The following MACROD2 variants were observed in gnomAD, a reference collection of about 807,000 sequenced individuals.
The protein encoded by MACROD2 is ADP-ribose glycohydrolase MACROD2.
MACROD2 carries 36 observed loss-of-function variants against 70.4 expected under a neutral mutation model. That is an observed-to-expected ratio of 0.51 (90% CI 0.39 to 0.68). MACROD2 has a LOEUF of 0.68. Ranked by LOEUF, MACROD2 falls within the 30% of genes least tolerant of loss-of-function variation. MACROD2 has a pLI of 0.00. For missense variants in MACROD2, 496 were observed against 538.4 expected, an observed-to-expected ratio of 0.92 and a Z score of 0.78; for synonymous variants, 172 against 178.8, an observed-to-expected ratio of 0.96 and a Z score of 0.30.
chr20:15,437,743 C>T (rs998089024), intron 7 of MACROD2, among the ~76,000 whole-genome samples: 1 of 152,134 alleles, frequency 6.6e-6, no homozygotes, highest in African/African-American at 2.4e-5. Flanking sequence ...TAAGTGAGAA[C>T]ATACACTATT....
Position 15,278,858 on chromosome 20 carries a change from C to T in MACROD2, c.540+48797C>T, listed in dbSNP as rs1274727986. Among the ~76,000 whole-genome samples, 3 of 152,208 alleles carry T rather than the reference C, an allele frequency of 2.0e-5. No individual in the cohort carries two copies. The East Asian group carries it at 5.8e-4, about 29-fold the overall frequency. On this transcript the variant is annotated intron_variant, in intron 6 of 17. Coordinates refer to ENST00000684519, the MANE Select transcript of MACROD2 (RefSeq NM_001351661.2). Reference sequence around the variant, plus strand: ...TGAAGTAGTGATTTTGATTCCAAAACACTTAGTGTGACAGTCCTTACCTCT... The same window carrying T: ...TGAAGTAGTGATTTTGATTCCAAAATACTTAGTGTGACAGTCCTTACCTCT...
chr20:14,775,160 G>C (rs1357511905), intron 5 of MACROD2, among the ~76,000 whole-genome samples: 1 of 152,066 alleles, frequency 6.6e-6, no homozygotes, highest in Non-Finnish European at 1.5e-5. Context: ...GGCAGAGATT[G>C]AATTAAGTGC....
intron 7 of MACROD2, among the ~76,000 whole-genome samples, chr20:15,453,842 C>A (rs2046677975): frequency 1.3e-5 from 2 of 152,168 alleles, no homozygotes; most frequent in African/African-American, 2.4e-5. Context: ...TTTCTAGGGT[C>A]TATGCCAGTG....
intron 5 of MACROD2, among the ~76,000 whole-genome samples, chr20:14,780,562 C>CAAAA (rs763622429): frequency 8.0e-6 from 1 of 124,296 alleles, no homozygotes. Context: ...AACTCCGTCT[C>CAAAA]AAAAAAAAAA....
rs76918320 is a variant in MACROD2, at chr20:14,488,814, A to T, written c.272-4665A>T. On this transcript the variant is annotated intron_variant, in intron 3 of 17. Transcript: ENST00000684519. ...TTGTTTGTTTATTTGTTTAGCTTTT[A>T]GAGTTTTTTTTGCCCATGCTACGAT... is the stretch of plus-strand genomic sequence containing the variant. 6.4e-3 allele frequency among the ~76,000 whole-genome samples: 974 copies of T among 152,274 alleles called. 3 individuals carry two copies. Among genetic ancestry groups the T allele is most frequent in the African/African-American group, 0.022 (905 of 41,540 alleles).
At chr20:14,644,482 T>A (rs1568716868) in intron 4 of MACROD2, among the ~76,000 whole-genome samples, 1 of 152,194 alleles carries the variant, frequency 6.6e-6, no homozygotes, top group Non-Finnish European at 1.5e-5. Flanking sequence ...CAATGACACT[T>A]CTTATTTGCA....
At chr20:14,892,269 C>T (rs1416991133) in intron 5 of MACROD2, among the ~76,000 whole-genome samples, 2 of 151,970 alleles carry the variant, frequency 1.3e-5, no homozygotes, top group East Asian at 1.9e-4. Context: ...GTCAGGAGTT[C>T]GAGACCAGTC....
intron 5 of MACROD2, among the ~76,000 whole-genome samples, chr20:14,791,990 CCTAT>C (rs2072456364): frequency 6.6e-6 from 1 of 151,558 alleles, no homozygotes; most frequent in Non-Finnish European, 1.5e-5. Context: ...AATAAAGAAT[CCTAT>C]CTTTCTCAAC....
intron 2 of MACROD2, among the ~76,000 whole-genome samples, chr20:14,078,412 G>A (rs887954824): frequency 6.6e-6 from 1 of 151,274 alleles, no homozygotes; most frequent in African/African-American, 2.4e-5. Context: ...TTCTTTTTTT[G>A]TTTGTTTGTT....
intron 9 of MACROD2, among the ~76,000 whole-genome samples, chr20:15,873,575 A>G (rs867492352): frequency 2.0e-5 from 3 of 152,006 alleles, no homozygotes; most frequent in African/African-American, 7.2e-5. Flanking sequence ...TAATCTTTCA[A>G]ATATATGTTG....
chr20:15,017,367 C>G (rs868505219), intron 5 of MACROD2, among the ~76,000 whole-genome samples: 7 of 152,292 alleles, frequency 4.6e-5, no homozygotes, highest in African/African-American at 1.7e-4. Context: ...GAGGTGGGTT[C>G]CCAAAGCCTT....
intron 5 of MACROD2, among the ~76,000 whole-genome samples, chr20:15,151,122 GAGTC>G (rs760476634): frequency 6.6e-6 from 1 of 152,108 alleles, no homozygotes; most frequent in Admixed American, 6.5e-5. Context: ...ATCTGGGAAG[GAGTC>G]AGTCAGAGAG....
chr20:15,842,712 G>GTATAGATAGATA (rs77294203), intron 8 of MACROD2, among the ~76,000 whole-genome samples: 2 of 141,584 alleles, frequency 1.4e-5, no homozygotes, highest in Non-Finnish European at 3.0e-5. Context: ...GTGGGTGGAT[G>GTATAGATAGATA]GATAGATAGA....
intron 3 of MACROD2, among the ~76,000 whole-genome samples, chr20:14,294,113 A>C (rs1014790010): frequency 4.6e-5 from 7 of 151,768 alleles, no homozygotes; most frequent in African/African-American, 1.7e-4. Context: ...AACCAAACCA[A>C]ATCACTTTTA....
intron 5 of MACROD2, among the ~76,000 whole-genome samples, chr20:14,690,146 T>C (rs141837076): frequency 4.7e-4 from 71 of 152,246 alleles, no homozygotes; most frequent in African/African-American, 1.6e-3. Flanking sequence ...AGCTCACATG[T>C]CTATTTTATT....
chr20:15,433,752 C>CA (rs140272189), intron 7 of MACROD2, among the ~76,000 whole-genome samples: 51,551 of 147,214 alleles, frequency 0.35, 9,376 homozygotes, highest in South Asian at 0.41. Context: ...TAATATTAAG[C>CA]AAAAAAAAAA....
At chr20:15,701,393 G>A (rs1022133758) in intron 8 of MACROD2, among the ~76,000 whole-genome samples, 1 of 152,132 alleles carries the variant, frequency 6.6e-6, no homozygotes, top group African/African-American at 2.4e-5. Context: ...AGTTATAAGA[G>A]AACATCTTAA....
At chr20:15,986,611 C>CA in intron 13 of MACROD2, 116 bp from the exon 14 acceptor site, 1 of 567,312 alleles carries the variant, frequency 1.8e-6, no homozygotes. Flanking sequence ...CCTTTGGTTT[C>CA]AAAACTGTTC....
intron 6 of MACROD2, among the ~76,000 whole-genome samples, chr20:15,291,387 C>T (rs2077539732): frequency 1.3e-5 from 2 of 152,136 alleles, no homozygotes; most frequent in Non-Finnish European, 2.9e-5. Flanking sequence ...TAGCAGAAAA[C>T]CTGAGACACA....
Sources: gnomAD v4.1 joint callset for allele counts (sites outside exome capture counted in the v4.1 genomes callset) on GRCh38, gnomAD v4.1.1 for gene constraint, MANE v1.5 for transcripts, NCBI Gene and HGNC (gene_info 2026-07-23, HGNC 2026-07-21) for gene names.